Variants in RSF1 observed in about 807,000 individuals in gnomAD.
The protein encoded by RSF1 is remodeling and spacing factor 1, also known as HBV pX-associated protein 8.
RSF1 carries 13 observed loss-of-function variants against 145.2 expected under a neutral mutation model. That is an observed-to-expected ratio of 0.09 (90% CI 0.06 to 0.14). RSF1 has a LOEUF of 0.14. Ranked by LOEUF, RSF1 falls within the 10% of genes least tolerant of loss-of-function variation. RSF1 has a pLI of 1.00. For synonymous variants in RSF1, 577 were observed against 592.6 expected (o/e 0.97, Z 0.38); for missense variants, 1,517 against 1,718.2 (o/e 0.88, Z 2.07).
chr11:77,748,210 G>C (rs1251752649), intron 2 of RSF1, among the ~76,000 whole-genome samples: 1 of 148,774 alleles, frequency 6.7e-6, no homozygotes, highest in African/African-American at 2.5e-5. Context: ...CAATATAATA[G>C]AGGATCTTTT....
At chr11:77,749,308 A>G (rs1381276076) in intron 2 of RSF1, among the ~76,000 whole-genome samples, 1 of 152,200 alleles carries the variant, frequency 6.6e-6, no homozygotes, top group Non-Finnish European at 1.5e-5. Flanking sequence ...TGGTATGTGA[A>G]TATCTCAAAT....
At chr11:77,745,740 G>A (rs1380746864) in intron 3 of RSF1, among the ~76,000 whole-genome samples, 2 of 150,502 alleles carry the variant, frequency 1.3e-5, no homozygotes, top group East Asian at 3.9e-4. Context: ...CTAACTTTTT[G>A]TTATGTATTT....
intron 1 of RSF1, among the ~76,000 whole-genome samples, chr11:77,801,575 G>C: frequency 6.6e-6 from 1 of 152,186 alleles, no homozygotes; most frequent in Non-Finnish European, 1.5e-5. Context: ...CTGACACAGA[G>C]CTCCTAAATT....
chr11:77,868,139 T>G, the RSF1 span, among the ~76,000 whole-genome samples: 1 of 149,488 alleles, frequency 6.7e-6, no homozygotes, highest in East Asian at 2.0e-4. Context: ...CACTGCAAGC[T>G]CTGCCTCCCA....
chr11:77,833,594 C>T, the RSF1 span, among the ~76,000 whole-genome samples: 4 of 152,186 alleles, frequency 2.6e-5, no homozygotes, highest in African/African-American at 9.7e-5. Context: ...TAACAGATCA[C>T]GGACTGGTAG....
At chr11:77,672,634 TA>T (rs1309977193) in intron 14 of RSF1, among the ~76,000 whole-genome samples, 1 of 151,966 alleles carries the variant, frequency 6.6e-6, no homozygotes, top group Non-Finnish European at 1.5e-5. Flanking sequence ...AACCTCACAA[TA>T]TATACTCTTA....
At chr11:77,676,742 C>A (rs762256700) in intron 13 of RSF1, 50 bp downstream of exon 13, 1 of 1,545,420 alleles carries the variant, frequency 6.5e-7, no homozygotes, top group South Asian at 1.2e-5. Context: ...CTAGCCCAGT[C>A]CTGTTCCTGC....
intron 1 of RSF1, among the ~76,000 whole-genome samples, chr11:77,819,902 C>G (rs1281008340): frequency 6.6e-6 from 1 of 151,866 alleles, no homozygotes; most frequent in African/African-American, 2.4e-5. Flanking sequence ...GCAGACCTCC[C>G]CACTTCAAGG....
chr11:77,800,107 T>C (rs749934508), intron 1 of RSF1, among the ~76,000 whole-genome samples: 98 of 152,270 alleles, frequency 6.4e-4, no homozygotes, highest in Admixed American at 1.8e-3. Context: ...ATTGCTCCCG[T>C]GAATAGCCAC....
intron 9 of RSF1, among the ~76,000 whole-genome samples, chr11:77,689,823 C>T (rs1439319704): frequency 6.6e-6 from 1 of 152,112 alleles, no homozygotes; most frequent in Non-Finnish European, 1.5e-5. Context: ...TTATGAATCC[C>T]CTTTTAAAGA....
chr11:77,682,591 T>C (rs1386769712), intron 11 of RSF1, among the ~76,000 whole-genome samples: 2 of 152,194 alleles, frequency 1.3e-5, no homozygotes. Context: ...AACCAGGTAA[T>C]ATTTACTGAT....
intron 14 of RSF1, among the ~76,000 whole-genome samples, chr11:77,673,533 A>C (rs1959611102): frequency 6.6e-6 from 1 of 152,218 alleles, no homozygotes; most frequent in Non-Finnish European, 1.5e-5. Context: ...CACTGATCAG[A>C]ATAAGAATCC....
intron 1 of RSF1, among the ~76,000 whole-genome samples, chr11:77,765,048 T>C (rs933529804): frequency 6.6e-6 from 1 of 151,986 alleles, no homozygotes; most frequent in African/African-American, 2.4e-5. Flanking sequence ...GTTGTATGAG[T>C]ATGGGGACAG....
At chr11:77,823,906 A>G (rs1402209363), upstream of RSF1, among the ~76,000 whole-genome samples, 1 of 152,048 alleles carries the variant, frequency 6.6e-6, no homozygotes, top group Non-Finnish European at 1.5e-5. Context: ...GAGGTTGTGA[A>G]ATAACATTCT....
intron 8 of RSF1, among the ~76,000 whole-genome samples, chr11:77,692,966 G>A (rs1003477925): frequency 2.0e-5 from 3 of 152,354 alleles, no homozygotes; most frequent in Admixed American, 2.0e-4. Context: ...GTGAGCCACT[G>A]TGTCTGGCCT....
intron 5 of RSF1, among the ~76,000 whole-genome samples, chr11:77,709,483 G>C (rs1295940834): frequency 6.8e-6 from 1 of 148,036 alleles, no homozygotes; most frequent in Non-Finnish European, 1.5e-5. Context: ...AATATCACCT[G>C]TGTCTAAGAG....
At chr11:77,671,954 A>C in intron 15 of RSF1, 88 bp downstream of exon 15, 1 of 1,229,522 alleles carries the variant, frequency 8.1e-7, no homozygotes, top group Non-Finnish European at 1.1e-6. Flanking sequence ...AGTTTCAAAG[A>C]ATGGTACAGA....
At chr11:77,849,451 T>C in the RSF1 span, among the ~76,000 whole-genome samples, 1 of 152,200 alleles carries the variant, frequency 6.6e-6, no homozygotes, top group African/African-American at 2.4e-5. Flanking sequence ...CTCAAACTCC[T>C]GACCTCAGGT....
At chr11:77,702,945 T>C in intron 5 of RSF1, 1 of 152,390 alleles carries the variant, frequency 6.6e-6, no homozygotes, top group East Asian at 1.9e-4. Flanking sequence ...AAATGAAAAA[T>C]ATAGAAAGAC....
Sources: allele counts gnomAD v4.1 joint callset (sites outside exome capture counted in the v4.1 genomes callset), GRCh38; gene constraint gnomAD v4.1.1; transcripts MANE v1.5; gene names NCBI Gene and HGNC (gene_info 2026-07-23, HGNC 2026-07-21).